Variants in CCNE2 observed in about 807,000 individuals in gnomAD.
CCNE2 encodes the protein cyclin E2, also known as G1/S-specific cyclin-E2.
In CCNE2, 18 loss-of-function variants were observed where a neutral mutation model predicts 56.8. The observed-to-expected ratio is 0.32, with a 90% CI of 0.22 to 0.47. The LOEUF (loss-of-function observed/expected upper bound fraction) is 0.47. CCNE2 is among the 20% of genes least tolerant of loss of function. CCNE2 has a pLI of 1.00. For synonymous variants in CCNE2, 139 were observed against 149.2 expected (o/e 0.93, Z 0.50); for missense variants, 371 against 467.1 (o/e 0.79, Z 1.90).
intron 9 of CCNE2, chr8:94,883,849 C>T (rs762865339): frequency 3.1e-5 from 14 of 455,544 alleles, no homozygotes; most frequent in South Asian, 4.6e-5. Context: ...TGAGAAGATA[C>T]TTGTGCAGTG....
chr8:94,885,635 T>A, intron 7 of CCNE2, 77 bp from the exon 8 acceptor site: 1 of 799,246 alleles, frequency 1.3e-6, no homozygotes, highest in Non-Finnish European at 2.0e-6. Flanking sequence ...TACAATGGGG[T>A]TACATCCCAA....
In CCNE2 at chr8:94,885,485, C is replaced by CT; in HGVS notation, c.673dup (p.Arg225LysfsTer30). On this transcript the variant is annotated frameshift_variant, in exon 8 of 12. Coordinates refer to ENST00000308108, the MANE Select transcript of CCNE2 (RefSeq NM_057749.3). LOFTEE classifies it high-confidence loss of function. Reference sequence around the variant, plus strand: ...TACCTTTAATATAATGAGTTCCATCCTTAAGATATCCTCTTCACTGCAAGC... The same window carrying CT: ...TACCTTTAATATAATGAGTTCCATCCTTTAAGATATCCTCTTCACTGCAAGC... 6.2e-7 allele frequency: 1 copy of CT among 1,602,354 alleles called. No homozygotes were observed. Among genetic ancestry groups the CT allele is most frequent in the Non-Finnish European group, 8.5e-7 (1 of 1,171,708 alleles).
chr8:94,880,842 G>A lies in CCNE2; in HGVS notation c.*790C>T. On this transcript the variant is annotated 3_prime_UTR_variant, in exon 12 of 12. Transcript: ENST00000308108. ...ATAAATAGTTTGAAAGGGTACTTAA[G>A]TTTTTCACCCAAATTGTGATATACA... The A allele has an allele frequency of 2.5e-6, 1 of 398,618 alleles. No individual in the cohort carries two copies. The highest frequency in any genetic ancestry group is 4.4e-6 in the Non-Finnish European group (1 of 225,838). 24.7% of individuals were successfully genotyped at this position (398,618 alleles called of 1,614,324 possible).
chr8:94,892,344 CAT>C (rs1468272974), intron 5 of CCNE2, among the ~76,000 whole-genome samples: 10 of 152,092 alleles, frequency 6.6e-5, no homozygotes, highest in Admixed American at 5.2e-4. Flanking sequence ...TAAGGCCAAT[CAT>C]AAATTAATAC....
At position 94,881,753 on chromosome 8, in the gene CCNE2, T is replaced by C. The variant is rs749378942; in HGVS notation, c.1102-8A>G. On this transcript the variant is annotated splice_polypyrimidine_tract_variant and splice_region_variant and intron_variant, in intron 11 of 11. Coordinates refer to ENST00000308108, the MANE Select transcript of CCNE2 (RefSeq NM_057749.3). ...TATGTAATTTACTTCCTCCTATACA[T>C]GGGAAGAAATCATGCACTGATTTCA... 3 of 1,613,376 alleles carry C rather than the reference T, an allele frequency of 1.9e-6. No homozygotes were observed. The highest frequency in any genetic ancestry group is 1.3e-5 in the African/African-American group (1 of 75,000).
chr8:94,884,151 G>C (rs1029497008), intron 9 of CCNE2, among the ~76,000 whole-genome samples: 1 of 152,146 alleles, frequency 6.6e-6, no homozygotes, highest in African/African-American at 2.4e-5. Context: ...TAATGTGCTA[G>C]ATTTAAGCAC....
At chr8:94,891,383 G>A in intron 5 of CCNE2, 1 of 251,728 alleles carries the variant, frequency 4.0e-6, no homozygotes, top group South Asian at 5.9e-5. Flanking sequence ...AAAGTGGCCG[G>A]CACAGTGGCT....
At chr8:94,895,681 T>C (rs1485300892), upstream of CCNE2, 5 of 152,154 alleles carry the variant, frequency 3.3e-5, no homozygotes, top group Admixed American at 6.5e-5. Flanking sequence ...AGGTCTTTCC[T>C]GAGCGACGCG....
At chr8:94,885,708 C>G (rs1442585134) in intron 7 of CCNE2, 150 bp from the exon 8 acceptor site, 6 of 301,808 alleles carry the variant, frequency 2.0e-5, no homozygotes, top group African/African-American at 4.7e-5. Context: ...TAAGCAAAGA[C>G]AAAAAGTACA....
intron 3 of CCNE2, 21 bp downstream of exon 3, chr8:94,894,001 TC>T: frequency 6.2e-7 from 1 of 1,613,798 alleles, no homozygotes; most frequent in Non-Finnish European, 8.5e-7. Flanking sequence ...ATTTCGTTCC[TC>T]CCTCTTTCTC....
chr8:94,891,970 G>A (rs11776830), intron 5 of CCNE2: 224,220 of 996,390 alleles, frequency 0.23, 26,673 homozygotes, highest in African/African-American at 0.36. Context: ...TAACTCACAC[G>A]TGATCTCTCC....
chr8:94,895,187 G>C lies in CCNE2; in HGVS notation c.-37C>G. 1.0e-6 allele frequency: 1 copy of C among 985,946 alleles called. No homozygotes were observed. The highest frequency in any genetic ancestry group is 1.2e-6 in the Non-Finnish European group (1 of 830,428). The allele number at this position is 985,946 out of a possible 1,614,324, so 61.1% of individuals were successfully genotyped here. ...GCAGCAACTCCTCACCGCCAGACCA[G>C]CTACCGCTCGGCTCAGCTGGCGCCG... On this transcript the variant is annotated 5_prime_UTR_variant, in exon 1 of 12. Transcript: ENST00000308108.
chr8:94,881,667 GTGGTGTCATA>G lies in CCNE2; in HGVS notation c.1170_1179del (p.Met391ArgfsTer16). 1 of 1,613,484 alleles carries G rather than the reference GTGGTGTCATA, an allele frequency of 6.2e-7. No homozygotes were observed. Among genetic ancestry groups the G allele is most frequent in the Non-Finnish European group, 8.5e-7 (1 of 1,179,786 alleles). Reference sequence around the variant, plus strand: ...CCTGGTGGTTTTTCAGTGCTCTTCGGTGGTGTCATAATGCCTCCATTGCACACTGGTGACA... The same window carrying G: ...CCTGGTGGTTTTTCAGTGCTCTTCGGATGCCTCCATTGCACACTGGTGACA... On this transcript the variant is annotated frameshift_variant, in exon 12 of 12. Coordinates refer to ENST00000308108, the MANE Select transcript of CCNE2 (RefSeq NM_057749.3). LOFTEE classifies it high-confidence loss of function.
chr8:94,885,107 A>G lies in CCNE2; in HGVS notation c.791T>C (p.Leu264Pro). 1 of 1,613,390 alleles carries G rather than the reference A, an allele frequency of 6.2e-7. No homozygotes were observed. The highest frequency in any genetic ancestry group is 2.2e-5 in the East Asian group (1 of 44,772). ...GAATGTTTCCTGAGAATACTGAGGT[A>G]GAAGAACTTTAGGAGCATCTTTAAG... ...DALKDAPKVL[L>P]PQYSQETFIQ... is the part of the protein sequence containing the mutation. The change falls in exon 9 of 12, where the codon CTA becomes CCA. Residue 264 changes from leucine to proline, a missense_variant. Leu to Pro is a moderately conservative substitution (Grantham distance 98). Coordinates refer to ENST00000308108, the MANE Select transcript of CCNE2 (RefSeq NM_057749.3).
Position 94,880,496 on chromosome 8 carries a change from T to G in CCNE2, c.*1136A>C, listed in dbSNP as rs1323548223. On this transcript the variant is annotated 3_prime_UTR_variant, in exon 12 of 12. Transcript: ENST00000308108. ...TAGCAATCTAGTTTTCTAATCTACTTTATGAGGCTGGATTTTTTTTTTAGA... is the reference window on the plus strand; with the variant it reads ...TAGCAATCTAGTTTTCTAATCTACTGTATGAGGCTGGATTTTTTTTTTAGA... The G allele has an allele frequency of 4.2e-5, 13 of 308,682 alleles. No homozygotes were observed. In the East Asian group the frequency reaches 4.9e-4, roughly 12 times the overall value. 19.1% of individuals were successfully genotyped at this position (308,682 alleles called of 1,614,324 possible).
At position 94,880,274 on chromosome 8, in the gene CCNE2, G is replaced by T; in HGVS notation, c.*1358C>A. The stretch of plus-strand genomic sequence containing the variant: ...TTAACTTTTATTTTTTAAACAATGG[G>T]CTAAAAATAAACAGTATTAAAAGGT... On this transcript the variant is annotated 3_prime_UTR_variant, in exon 12 of 12. Coordinates refer to ENST00000308108, the MANE Select transcript of CCNE2 (RefSeq NM_057749.3). 15 of 1,071,782 alleles carry T rather than the reference G, an allele frequency of 1.4e-5. No individual in the cohort carries two copies. The highest frequency in any genetic ancestry group is 2.1e-5 in the Non-Finnish European group (15 of 712,608). 66.4% of individuals were successfully genotyped at this position (1,071,782 alleles called of 1,614,324 possible).
chr8:94,882,946 G>A, intron 9 of CCNE2, 54 bp from the exon 10 acceptor site: 2 of 1,176,422 alleles, frequency 1.7e-6, no homozygotes, highest in East Asian at 2.4e-5. Context: ...AGTACTAAAT[G>A]TCTCTTGCTA....
intron 6 of CCNE2, among the ~76,000 whole-genome samples, chr8:94,889,075 G>A: frequency 6.6e-6 from 1 of 151,858 alleles, no homozygotes; most frequent in Non-Finnish European, 1.5e-5. Context: ...TTGAACGCGA[G>A]ATGCAGAGGT....
At chr8:94,890,889 C>T (rs1057118636) in intron 5 of CCNE2, among the ~76,000 whole-genome samples, 21 of 151,872 alleles carry the variant, frequency 1.4e-4, no homozygotes, top group African/African-American at 4.6e-4. Context: ...CCACCATGCC[C>T]GGCTAAAAAA....
Sources: gnomAD v4.1 joint callset for allele counts (sites outside exome capture counted in the v4.1 genomes callset) on GRCh38, gnomAD v4.1.1 for gene constraint, MANE v1.5 for transcripts, NCBI Gene and HGNC (gene_info 2026-07-23, HGNC 2026-07-21) for gene names.